Variants in ANKS1B observed in about 807,000 individuals in gnomAD.
ANKS1B encodes ankyrin repeat and sterile alpha motif domain-containing protein 1B.
In ANKS1B, 36 loss-of-function variants were observed where a neutral mutation model predicts 148.3. That is an observed-to-expected ratio of 0.24 (90% CI 0.19 to 0.32). The LOEUF (loss-of-function observed/expected upper bound fraction) is 0.32, where lower values mean the gene tolerates loss of function less well. Ranked by LOEUF, ANKS1B falls within the 10% of genes least tolerant of loss-of-function variation. The pLI, the probability that ANKS1B is intolerant of heterozygous loss-of-function variation, is 1.00. For missense variants in ANKS1B, 1,157 were observed against 1,542.6 expected (o/e 0.75, Z 4.19); for synonymous variants, 542 against 560.8 (o/e 0.97, Z 0.47).
chr12:99,620,322 A>C (rs2098031254), intron 9 of ANKS1B, among the ~76,000 whole-genome samples: 1 of 152,190 alleles, frequency 6.6e-6, no homozygotes. Context: ...CACCATGAAA[A>C]ATCTGAATGT....
At chr12:99,586,865 G>T (rs1010174831) in intron 9 of ANKS1B, among the ~76,000 whole-genome samples, 4 of 152,108 alleles carry the variant, frequency 2.6e-5, no homozygotes, top group African/African-American at 9.7e-5. Context: ...CATGAGAACT[G>T]CTCAGGAAAA....
intron 9 of ANKS1B, among the ~76,000 whole-genome samples, chr12:99,590,570 C>T (rs1044904892): frequency 6.6e-6 from 1 of 152,042 alleles, no homozygotes; most frequent in African/African-American, 2.4e-5. Flanking sequence ...TAAATGGGAG[C>T]ATATTAGCAG....
At chr12:99,509,929 A>G (rs1331112383) in intron 9 of ANKS1B, among the ~76,000 whole-genome samples, 1 of 151,844 alleles carries the variant, frequency 6.6e-6, no homozygotes, top group Admixed American at 6.6e-5. Flanking sequence ...CTCATTTACC[A>G]CTCCAAAAAT....
At chr12:99,144,059 G>T (rs1045375501) in intron 15 of ANKS1B, among the ~76,000 whole-genome samples, 2 of 152,020 alleles carry the variant, frequency 1.3e-5, no homozygotes, top group Non-Finnish European at 2.9e-5. Context: ...ATTTGTGAGG[G>T]GGTAAAGATA....
chr12:98,993,056 T>C (rs1430431335), intron 17 of ANKS1B, among the ~76,000 whole-genome samples: 1 of 152,258 alleles, frequency 6.6e-6, no homozygotes, highest in South Asian at 2.1e-4. Context: ...AATGGTTCTC[T>C]TCTTTATATA....
At chr12:98,754,588 G>C (rs891762088) in intron 25 of ANKS1B, among the ~76,000 whole-genome samples, 2 of 152,168 alleles carry the variant, frequency 1.3e-5, no homozygotes, top group Non-Finnish European at 2.9e-5. Context: ...TGTAACATGT[G>C]GTCTTTATCT....
At chr12:98,775,125 G>A (rs545937297) in intron 24 of ANKS1B, among the ~76,000 whole-genome samples, 1 of 152,286 alleles carries the variant, frequency 6.6e-6, no homozygotes, top group African/African-American at 2.4e-5. Flanking sequence ...GGTGGATTTG[G>A]TCTCACTTGT....
intron 16 of ANKS1B, among the ~76,000 whole-genome samples, chr12:99,063,239 C>G (rs1041179173): frequency 1.3e-5 from 2 of 152,152 alleles, no homozygotes; most frequent in Non-Finnish European, 2.9e-5. Context: ...TTTTGTAATA[C>G]AGATAGCTGA....
At chr12:99,813,068 A>G (rs1231754642) in intron 2 of ANKS1B, among the ~76,000 whole-genome samples, 2 of 151,740 alleles carry the variant, frequency 1.3e-5, no homozygotes, top group African/African-American at 4.8e-5. Context: ...CTCCAAGCAT[A>G]AAAAATTATT....
chr12:99,228,709 T>C (rs1188164794), intron 14 of ANKS1B, among the ~76,000 whole-genome samples: 1 of 151,942 alleles, frequency 6.6e-6, no homozygotes, highest in Non-Finnish European at 1.5e-5. Flanking sequence ...AAAGAACATA[T>C]TATTTTGACC....
intron 20 of ANKS1B, among the ~76,000 whole-genome samples, chr12:98,802,594 CTTTTTTTTTTTTTTTTTTTTT>C (rs397850118): frequency 0.024 from 825 of 34,792 alleles, 31 homozygotes; most frequent in Middle Eastern, 0.087. Flanking sequence ...AATGCACAGG[CTTTTTTTTTTTTTTTTTTTTT>C]TTTTTTTTTT....
At chr12:99,743,628 A>G (rs978292888) in intron 8 of ANKS1B, among the ~76,000 whole-genome samples, 3 of 152,178 alleles carry the variant, frequency 2.0e-5, no homozygotes, top group Non-Finnish European at 4.4e-5. Context: ...GTTATATGTA[A>G]CTTTATTCTG....
chr12:98,989,085 C>T (rs933277582), intron 17 of ANKS1B, among the ~76,000 whole-genome samples: 1 of 151,648 alleles, frequency 6.6e-6, no homozygotes, highest in Non-Finnish European at 1.5e-5. Flanking sequence ...TTGATTTTTT[C>T]CTTTGATTTG....
At chr12:99,209,126 T>A (rs1430625668) in intron 14 of ANKS1B, among the ~76,000 whole-genome samples, 2 of 152,198 alleles carry the variant, frequency 1.3e-5, no homozygotes, top group Non-Finnish European at 2.9e-5. Context: ...GGGTAAAGTC[T>A]GAAGTCTGCC....
At chr12:99,465,220 T>A (rs1281353756) in intron 10 of ANKS1B, among the ~76,000 whole-genome samples, 1 of 152,080 alleles carries the variant, frequency 6.6e-6, no homozygotes, top group African/African-American at 2.4e-5. Context: ...AGAAATAACA[T>A]ACCTTACAGA....
chr12:98,744,098 C>T lies in ANKS1B; in HGVS notation c.*1641G>A, dbSNP rs893146978. The T allele has an allele frequency of 2.0e-6, 2 of 984,630 alleles. No individual in the cohort carries two copies. Among genetic ancestry groups the T allele is most frequent in the East Asian group, 1.1e-4 (1 of 8,816 alleles). The allele number at this position is 984,630 out of a possible 1,614,324, so 61.0% of individuals were successfully genotyped here. ...CACATATGCTTCTGTTTCAGCAAAG[C>T]TCCTATTAACTTTGCTCCTATACAA... On this transcript the variant is annotated 3_prime_UTR_variant, in exon 27 of 27. Coordinates refer to ENST00000683438, the MANE Select transcript of ANKS1B (RefSeq NM_001352186.2).
intron 20 of ANKS1B, among the ~76,000 whole-genome samples, chr12:98,804,961 T>G (rs897063052): frequency 9.8e-5 from 15 of 152,326 alleles, no homozygotes; most frequent in Non-Finnish European, 2.2e-4. Flanking sequence ...AAAGCTTATT[T>G]TTAATGAAAA....
intron 1 of ANKS1B, among the ~76,000 whole-genome samples, chr12:99,883,330 G>A (rs1205847482): frequency 2.8e-5 from 4 of 145,248 alleles, no homozygotes; most frequent in African/African-American, 7.6e-5. Context: ...TGGACGTTTC[G>A]AAGCAAAAAA....
chr12:99,271,662 C>CTATATATA (rs59207203), intron 12 of ANKS1B, among the ~76,000 whole-genome samples: 2,220 of 94,118 alleles, frequency 0.024, 114 homozygotes, highest in African/African-American at 0.063. Flanking sequence ...AGTCAATAAA[C>CTATATATA]TATATATATA....
Sources: allele counts gnomAD v4.1 joint callset (sites outside exome capture counted in the v4.1 genomes callset), GRCh38; gene constraint gnomAD v4.1.1; transcripts MANE v1.5; gene names NCBI Gene and HGNC (gene_info 2026-07-23, HGNC 2026-07-21).